GLI3: variants seen among roughly 807,000 people sequenced by gnomAD.
GLI3 encodes the protein GLI family zinc finger 3, also known as transcription activator GLI3.
In GLI3, 20 loss-of-function variants were observed where a neutral mutation model predicts 100.8. That is an observed-to-expected ratio of 0.20 (90% confidence interval 0.14 to 0.29). The LOEUF (loss-of-function observed/expected upper bound fraction) is 0.29. Ranked by LOEUF, GLI3 falls within the 10% of genes least tolerant of loss-of-function variation. GLI3 has a pLI of 1.00. For missense variants in GLI3, 2,040 were observed against 2,128.5 expected (o/e 0.96, Z 0.82); for synonymous variants, 938 against 860.5 (o/e 1.09, Z -1.58).
chr7:42,143,051 G>C (rs1786611344), intron 3 of GLI3, among the ~76,000 whole-genome samples: 1 of 150,958 alleles, frequency 6.6e-6, no homozygotes, highest in Non-Finnish European at 1.5e-5. Flanking sequence ...CTAAGAGAAA[G>C]ACAAGAATAA....
intron 2 of GLI3, among the ~76,000 whole-genome samples, chr7:42,176,111 T>C (rs1004457468): frequency 2.8e-4 from 42 of 152,136 alleles, no homozygotes; most frequent in African/African-American, 9.9e-4. Context: ...TCAGGCATGG[T>C]GACCGAAACA....
chr7:42,167,592 C>T (rs1169543174), intron 2 of GLI3, among the ~76,000 whole-genome samples: 9 of 152,046 alleles, frequency 5.9e-5, no homozygotes, highest in Admixed American at 1.3e-4. Flanking sequence ...TAGCTTTTTC[C>T]GTATACATAC....
chr7:42,089,309 A>G (rs1382873765), intron 3 of GLI3, among the ~76,000 whole-genome samples: 1 of 152,224 alleles, frequency 6.6e-6, no homozygotes. Flanking sequence ...AGAGTGCAAG[A>G]CTGCTTCTCA....
intron 3 of GLI3, among the ~76,000 whole-genome samples, chr7:42,121,104 C>T (rs846398): frequency 0.6 from 91,732 of 152,040 alleles, 27,928 homozygotes; most frequent in Middle Eastern, 0.68. Context: ...ACCAGACAGA[C>T]GACTCTCTTT....
At chr7:42,192,929 C>T (rs1279307517) in intron 2 of GLI3, among the ~76,000 whole-genome samples, 2 of 152,188 alleles carry the variant, frequency 1.3e-5, no homozygotes, top group African/African-American at 4.8e-5. Flanking sequence ...TGAGGCCAGC[C>T]TGTCTCCAGC....
chr7:41,971,314 A>G (rs1787358665), intron 13 of GLI3, among the ~76,000 whole-genome samples: 1 of 152,158 alleles, frequency 6.6e-6, no homozygotes, highest in South Asian at 2.1e-4. Flanking sequence ...TGAGCATGAA[A>G]CTTCTCTCTG....
intron 2 of GLI3, among the ~76,000 whole-genome samples, chr7:42,200,745 T>A (rs1001372674): frequency 6.6e-6 from 1 of 152,130 alleles, no homozygotes; most frequent in Non-Finnish European, 1.5e-5. Flanking sequence ...CCCTCACGAC[T>A]TCTTGGGCAC....
chr7:42,243,158 A>C (rs140685747), intron 1 of GLI3, among the ~76,000 whole-genome samples: 2 of 152,314 alleles, frequency 1.3e-5, no homozygotes, highest in African/African-American at 4.8e-5. Context: ...CGAGAACTTT[A>C]GTGAACACCA....
chr7:42,108,515 G>A (rs1279294812), intron 3 of GLI3, among the ~76,000 whole-genome samples: 5 of 152,156 alleles, frequency 3.3e-5, no homozygotes, highest in Admixed American at 6.5e-5. Flanking sequence ...GGTGAGCAGA[G>A]TATGTGTTCA....
At chr7:42,157,745 A>G (rs926186932) in intron 2 of GLI3, among the ~76,000 whole-genome samples, 1 of 152,188 alleles carries the variant, frequency 6.6e-6, no homozygotes, top group African/African-American at 2.4e-5. Flanking sequence ...GACCTTTACT[A>G]TAATTATCTA....
rs774475581 is a variant in GLI3 at position 42,023,426 on chromosome 7, C to T, written c.1497+42G>A. ...AGAGGCTGACCTCCCTGGAAAGTGT[C>T]ACAGAGCTGTAAAGCTCGGTTCCTG... On this transcript the variant is annotated intron_variant, in intron 10 of 14. Coordinates refer to ENST00000395925, the MANE Select transcript of GLI3 (RefSeq NM_000168.6). 16 of 1,609,534 alleles carry T rather than the reference C, an allele frequency of 9.9e-6. No homozygotes were observed. The Admixed American group carries it at 1.7e-4, about 17-fold the overall frequency.
At chr7:42,045,571 G>A (rs749019076) in intron 5 of GLI3, 41 bp from the exon 6 acceptor site, 3 of 1,603,996 alleles carry the variant, frequency 1.9e-6, no homozygotes, top group African/African-American at 2.7e-5. Flanking sequence ...AGCGAAAGAA[G>A]GTCAACTAGA....
intron 4 of GLI3, among the ~76,000 whole-genome samples, chr7:42,059,182 CAT>C (rs1193265100): frequency 5.3e-5 from 8 of 152,112 alleles, no homozygotes; most frequent in African/African-American, 1.7e-4. Context: ...TTTTAAATAA[CAT>C]ATGTTTTAAA....
Position 41,965,791 on chromosome 7 carries a change from G to T in GLI3, c.3282C>A (p.Asp1094Glu), listed in dbSNP as rs766812044. 1 of 1,613,454 alleles carries T rather than the reference G, an allele frequency of 6.2e-7. No homozygotes were observed. ...ANLNDEDFLP[D>E]DVVQYLNSQN... ...GGGAATTTAAATACTGCACCACGTC[G>T]TCCGGCAGGAAATCCTCATCGTTCA... The change falls in exon 15 of 15, where the codon GAC becomes GAA. Residue 1094 changes from aspartate (D) to glutamate (E), a missense_variant. Asp to Glu is a conservative substitution (Grantham distance 45, BLOSUM62 2). Coordinates refer to ENST00000395925, the MANE Select transcript of GLI3 (RefSeq NM_000168.6).
chr7:42,145,748 A>AG (rs1236910546), intron 3 of GLI3: 1 of 397,470 alleles, frequency 2.5e-6, no homozygotes, highest in Non-Finnish European at 4.4e-6. Flanking sequence ...GTAGAAGAGA[A>AG]GGAAAAAAAG....
intron 3 of GLI3, among the ~76,000 whole-genome samples, chr7:42,089,237 C>T (rs1785167158): frequency 6.6e-6 from 1 of 152,148 alleles, no homozygotes; most frequent in Admixed American, 6.5e-5. Flanking sequence ...CAAAGATGAC[C>T]CCAATCTGCA....
intron 3 of GLI3, among the ~76,000 whole-genome samples, chr7:42,083,900 T>C (rs1225198460): frequency 6.6e-6 from 1 of 152,214 alleles, no homozygotes; most frequent in African/African-American, 2.4e-5. Flanking sequence ...AATCTAGCAA[T>C]AATAGCAGTA....
At chr7:42,061,611 G>A (rs9986932) in intron 4 of GLI3, among the ~76,000 whole-genome samples, 11,551 of 152,240 alleles carry the variant, frequency 0.076, 574 homozygotes, top group Non-Finnish European at 0.11. Context: ...CTCTTTAGAT[G>A]TAACTGGAAG....
chr7:42,249,898 C>T (rs1023582475), intron 1 of GLI3, among the ~76,000 whole-genome samples: 1 of 152,066 alleles, frequency 6.6e-6, no homozygotes, highest in Non-Finnish European at 1.5e-5. Context: ...AGTTTGAGAT[C>T]ACCCTGGGCA....
Sources: gnomAD v4.1 joint callset for allele counts (sites outside exome capture counted in the v4.1 genomes callset) on GRCh38, gnomAD v4.1.1 for gene constraint, MANE v1.5 for transcripts, NCBI Gene and HGNC (gene_info 2026-07-23, HGNC 2026-07-21) for gene names.